The following PUM1 variants were observed in gnomAD, a reference collection of about 807,000 sequenced individuals.
The protein encoded by PUM1 is pumilio RNA binding family member 1.
In PUM1, 13 loss-of-function variants were observed where a neutral mutation model predicts 131.8. That is an observed-to-expected ratio of 0.10 (90% CI 0.06 to 0.16). The LOEUF is 0.16. Ranked by LOEUF, PUM1 falls within the 10% of genes least tolerant of loss-of-function variation. PUM1 has a pLI of 1.00. For missense variants in PUM1, 961 were observed against 1,512.4 expected, an observed-to-expected ratio of 0.64 and a Z score of 6.05; for synonymous variants, 509 against 556.5, an observed-to-expected ratio of 0.91 and a Z score of 1.20.
chr1:30,934,515 G>T (rs879859787), intron 21 of PUM1, among the ~76,000 whole-genome samples: 8 of 152,164 alleles, frequency 5.3e-5, no homozygotes, highest in African/African-American at 1.9e-4. Flanking sequence ...GAGCTGCATC[G>T]GGTGTCACAT....
rs144593188 is a variant in PUM1, at chr1:31,036,175, T to C, written c.364-7311A>G. Among the ~76,000 whole-genome samples the C allele has an allele frequency of 5.2e-3, 792 of 152,102 alleles. 6 individuals carry two copies. Among genetic ancestry groups the C allele is most frequent in the African/African-American group, 0.018 (732 of 41,502 alleles). ...ACCCCTGCCTCCCGAGTTCAAGCAA[T>C]TCTCCTACCTCAGCCTCCCGAGTAG... is the stretch of plus-strand genomic sequence containing the variant. On this transcript the variant is annotated intron_variant, in intron 2 of 21. Transcript: ENST00000426105.
At chr1:30,996,440 C>G (rs1015299413) in intron 5 of PUM1, among the ~76,000 whole-genome samples, 1 of 152,190 alleles carries the variant, frequency 6.6e-6, no homozygotes, top group African/African-American at 2.4e-5. Flanking sequence ...CCAACAGATG[C>G]TCTTAAGAGA....
intron 10 of PUM1, chr1:30,973,223 GTTTTT>G (rs377286266): frequency 5.7e-5 from 4 of 69,586 alleles, no homozygotes; most frequent in African/African-American, 1.8e-4. Flanking sequence ...TTCAAGACCT[GTTTTT>G]TTTTTCTGTA....
chr1:30,971,112 T>C (rs1367880127), intron 10 of PUM1, among the ~76,000 whole-genome samples: 2 of 152,184 alleles, frequency 1.3e-5, no homozygotes, highest in African/African-American at 4.8e-5. Context: ...AAACAAAATA[T>C]ACAGTTTCAC....
At chr1:31,003,409 C>CAG (rs1642285344) in intron 5 of PUM1, among the ~76,000 whole-genome samples, 2 of 152,086 alleles carry the variant, frequency 1.3e-5, no homozygotes, top group Non-Finnish European at 2.9e-5. Flanking sequence ...GACCAACAGG[C>CAG]AGAGCAAAGT....
At chr1:31,041,375 T>C (rs1469214300) in intron 2 of PUM1, among the ~76,000 whole-genome samples, 3 of 147,662 alleles carry the variant, frequency 2.0e-5, no homozygotes, top group African/African-American at 7.4e-5. Context: ...TCACGGCCAG[T>C]CAAAAAGTAA....
chr1:31,033,294 T>G (rs1181797037), intron 2 of PUM1, among the ~76,000 whole-genome samples: 2 of 151,298 alleles, frequency 1.3e-5, no homozygotes, highest in African/African-American at 4.9e-5. Flanking sequence ...AACCTCCACC[T>G]TCCAGGCTCA....
At chr1:31,058,403 G>A (rs1047737086) in intron 2 of PUM1, among the ~76,000 whole-genome samples, 4 of 152,150 alleles carry the variant, frequency 2.6e-5, no homozygotes, top group African/African-American at 7.2e-5. Flanking sequence ...GCTCACGCCT[G>A]TAATCCCAGC....
intron 7 of PUM1, among the ~76,000 whole-genome samples, chr1:30,989,117 C>G (rs892750720): frequency 3.3e-5 from 5 of 152,120 alleles, no homozygotes; most frequent in African/African-American, 1.2e-4. Context: ...ACTCACAACA[C>G]CATCTCTTCA....
chr1:30,968,088 A>G (rs1331754091), intron 11 of PUM1: 8 of 596,604 alleles, frequency 1.3e-5, no homozygotes, highest in Non-Finnish European at 2.2e-5. Context: ...CTGAAACAGA[A>G]AACAGATAAT....
intron 9 of PUM1, among the ~76,000 whole-genome samples, chr1:30,975,514 C>T (rs1318683160): frequency 7.5e-6 from 1 of 133,302 alleles, no homozygotes; most frequent in Non-Finnish European, 1.6e-5. Flanking sequence ...CTATACCTGA[C>T]TAATTTTTTT....
intron 7 of PUM1, among the ~76,000 whole-genome samples, chr1:30,991,503 A>G (rs1641790870): frequency 6.6e-6 from 1 of 152,328 alleles, no homozygotes; most frequent in South Asian, 2.1e-4. Flanking sequence ...TCCAAAGACC[A>G]TAAGCTAATT....
intron 17 of PUM1, among the ~76,000 whole-genome samples, chr1:30,946,665 T>C (rs965802554): frequency 5.4e-5 from 8 of 148,548 alleles, no homozygotes; most frequent in African/African-American, 2.0e-4. Context: ...ATTTTATATA[T>C]ATACTTATAT....
At chr1:30,950,551 C>CAA (rs1304070061) in intron 16 of PUM1, among the ~76,000 whole-genome samples, 1 of 152,224 alleles carries the variant, frequency 6.6e-6, no homozygotes, top group Non-Finnish European at 1.5e-5. Context: ...TCAAAGCTGT[C>CAA]ATTAATTCAT....
In PUM1 at chr1:31,049,145, C is replaced by T. The variant is rs141920697; in HGVS notation, c.363+10059G>A. Reference sequence around the variant, plus strand: ...ACCTGAACCTGGGAGGAGGAGGTTGCAGTGAGCCGAGATTGTGCCACTGCA... The same window carrying T: ...ACCTGAACCTGGGAGGAGGAGGTTGTAGTGAGCCGAGATTGTGCCACTGCA... On this transcript the variant is annotated intron_variant, in intron 2 of 21. Transcript: ENST00000426105. Among the ~76,000 whole-genome samples, 850 of 151,538 alleles carry T rather than the reference C, an allele frequency of 5.6e-3. 7 individuals carry two copies. Among genetic ancestry groups the T allele is most frequent in the African/African-American group, 0.019 (803 of 41,480 alleles).
At chr1:31,032,671 T>C (rs554669583) in intron 2 of PUM1, among the ~76,000 whole-genome samples, 9 of 152,282 alleles carry the variant, frequency 5.9e-5, no homozygotes, top group African/African-American at 2.2e-4. Flanking sequence ...TACAAATCTT[T>C]TGGCATGTGC....
At chr1:31,058,873 G>A (rs935369731) in intron 2 of PUM1, among the ~76,000 whole-genome samples, 9 of 152,036 alleles carry the variant, frequency 5.9e-5, no homozygotes, top group African/African-American at 2.2e-4. Context: ...AGGAGGCTGA[G>A]GCAGGAGAAC....
intron 5 of PUM1, among the ~76,000 whole-genome samples, chr1:30,997,991 A>C (rs1642046261): frequency 6.6e-6 from 1 of 152,044 alleles, no homozygotes; most frequent in South Asian, 2.1e-4. Flanking sequence ...CCAATATCGT[A>C]CAGGCCATTC....
At chr1:31,056,866 C>T (rs1055481333) in intron 2 of PUM1, among the ~76,000 whole-genome samples, 1 of 151,948 alleles carries the variant, frequency 6.6e-6, no homozygotes, top group Admixed American at 6.6e-5. Flanking sequence ...GATCTCAGCT[C>T]ACTGCAAACT....
Sources: allele counts gnomAD v4.1 joint callset (sites outside exome capture counted in the v4.1 genomes callset), GRCh38; gene constraint gnomAD v4.1.1; transcripts MANE v1.5; gene names NCBI Gene and HGNC (gene_info 2026-07-23, HGNC 2026-07-21).